ZNF333: variants seen among roughly 807,000 people sequenced by gnomAD.
ZNF333 encodes the protein zinc finger protein 333.
A neutral mutation model predicts 76.1 loss-of-function variants in ZNF333; 61 were observed. That is an observed-to-expected ratio of 0.80 (90% confidence interval 0.65 to 0.99). ZNF333 has a LOEUF of 0.99. Ranked by LOEUF, ZNF333 falls within the 50% of genes least tolerant of loss-of-function variation. ZNF333 has a pLI of 0.00. For synonymous variants in ZNF333, 284 were observed against 305.0 expected, an observed-to-expected ratio of 0.93 and a Z score of 0.72; for missense variants, 717 against 822.4, an observed-to-expected ratio of 0.87 and a Z score of 1.57.
intron 4 of ZNF333, among the ~76,000 whole-genome samples, chr19:14,696,881 G>A (rs1490942462): frequency 6.6e-6 from 1 of 151,870 alleles, no homozygotes; most frequent in Non-Finnish European, 1.5e-5. Flanking sequence ...TGGGACTACA[G>A]GTGCACACCA....
chr19:14,693,309 G>T, intron 1 of ZNF333, 142 bp from the exon 2 acceptor site: 1 of 489,106 alleles, frequency 2.0e-6, no homozygotes. Flanking sequence ...TTGTTTGAAA[G>T]GTGCCTTGGG....
At chr19:14,727,264 G>C (rs2042639307) in intron 11 of ZNF333, among the ~76,000 whole-genome samples, 1 of 152,100 alleles carries the variant, frequency 6.6e-6, no homozygotes, top group Non-Finnish European at 1.5e-5. Context: ...TCCTGACCTT[G>C]TGATCCGCCC....
chr19:14,701,755 A>G (rs1599708713), intron 5 of ZNF333: 1 of 985,546 alleles, frequency 1.0e-6, no homozygotes, highest in Non-Finnish European at 1.2e-6. Flanking sequence ...AGTGGCAGGC[A>G]TGGGGCTCTT....
chr19:14,705,983 G>A (rs1233694445), intron 6 of ZNF333: 16 of 406,514 alleles, frequency 3.9e-5, no homozygotes, highest in East Asian at 2.9e-4. Flanking sequence ...CTTCCCACTC[G>A]TCCCTGCCCT....
Position 14,706,149 on chromosome 19 carries a change from A to C in ZNF333, c.424-537A>C, listed in dbSNP as rs73929426. Reference sequence around the variant, plus strand: ...CCAGAGCCACCGTTAGTTCTCCTGGACTCCAGTTCTGCTCCTGACAGGCAC... The same window carrying C: ...CCAGAGCCACCGTTAGTTCTCCTGGCCTCCAGTTCTGCTCCTGACAGGCAC... On this transcript the variant is annotated intron_variant, in intron 6 of 11. Transcript: ENST00000292530. The C allele has an allele frequency of 8.4e-4, 383 of 457,458 alleles. 3 individuals are homozygous for C. The highest frequency in any genetic ancestry group is 7.1e-3 in the African/African-American group (357 of 50,138). 28.3% of individuals were successfully genotyped at this position (457,458 alleles called of 1,614,324 possible). A position where few individuals can be genotyped will look rare whatever the true frequency, so the allele number is the denominator to read the frequency against.
At chr19:14,730,609 G>T (rs1167057011) in intron 11 of ZNF333, among the ~76,000 whole-genome samples, 2 of 152,014 alleles carry the variant, frequency 1.3e-5, no homozygotes, top group Non-Finnish European at 2.9e-5. Flanking sequence ...AAAGCAGTTT[G>T]TAATAACCCA....
intron 7 of ZNF333, among the ~76,000 whole-genome samples, chr19:14,712,123 G>C (rs898956289): frequency 6.6e-6 from 1 of 152,120 alleles, no homozygotes; most frequent in South Asian, 2.1e-4. Flanking sequence ...GATCTGTAGA[G>C]TGTCAGAGAG....
chr19:14,726,270 C>T (rs955466373), downstream of ZNF333, among the ~76,000 whole-genome samples: 7 of 152,138 alleles, frequency 4.6e-5, no homozygotes, highest in East Asian at 3.9e-4. Context: ...GGAACTGGCC[C>T]GCTAAATCAT....
At chr19:14,727,024 CTTTTTTTTTTTT>C (rs33936016) in intron 11 of ZNF333, among the ~76,000 whole-genome samples, 3 of 70,108 alleles carry the variant, frequency 4.3e-5, no homozygotes, top group South Asian at 1.2e-3. Flanking sequence ...AGAAAAGAGG[CTTTTTTTTTTTT>C]TTTTTTTTTT....
At position 14,709,697 on chromosome 19, in the gene ZNF333, C is replaced by G. The variant is rs2042222185; in HGVS notation, c.511+2924C>G. Among the ~76,000 whole-genome samples, 3 of 152,342 alleles carry G rather than the reference C, an allele frequency of 2.0e-5. No individual in the cohort carries two copies. In the South Asian group the frequency reaches 6.2e-4, roughly 32 times the overall value. On this transcript the variant is annotated intron_variant, in intron 7 of 11. Transcript: ENST00000292530. ...ACAAGAAGAGGAAGAGACACCAGAGCTCTCTCGCCCATGTGAGGACACAGC... is the reference window on the plus strand; with the variant it reads ...ACAAGAAGAGGAAGAGACACCAGAGGTCTCTCGCCCATGTGAGGACACAGC...
Position 14,695,656 on chromosome 19 carries a change from G to T in ZNF333, c.218G>T (p.Gly73Val). The T allele has an allele frequency of 1.2e-6, 2 of 1,614,078 alleles. No homozygotes were observed. Among genetic ancestry groups the T allele is most frequent in the Non-Finnish European group, 1.7e-6 (2 of 1,179,972 alleles). Reference sequence around the variant, plus strand: ...GAACGAGGGATTCTCCGTGCCACAGGTGTTGGTGAGTACCAGGCAGGCTGT... The same window carrying T: ...GAACGAGGGATTCTCCGTGCCACAGTTGTTGGTGAGTACCAGGCAGGCTGT... The part of the protein sequence containing the change: ...ATERGILRAT[G>V]VAWESQLKPE... The change falls in exon 4 of 12, where the codon GGT (glycine) becomes GTT (valine). Residue 73 changes from glycine to valine, a missense_variant. Gly to Val is a moderately radical substitution (Grantham distance 109). Transcript: ENST00000292530.
intron 7 of ZNF333, among the ~76,000 whole-genome samples, chr19:14,711,186 A>G (rs935221056): frequency 1.3e-5 from 2 of 152,202 alleles, no homozygotes; most frequent in African/African-American, 4.8e-5. Flanking sequence ...CCAGACTTTC[A>G]GAAGGAAAGC....
At chr19:14,708,463 G>A (rs1189425630) in intron 7 of ZNF333, 1 of 397,422 alleles carries the variant, frequency 2.5e-6, no homozygotes, top group Non-Finnish European at 4.4e-6. Context: ...AGAGTCCAGT[G>A]GAAGTGTGTT....
intron 5 of ZNF333, 129 bp downstream of exon 5, chr19:14,699,410 T>G: frequency 1.3e-6 from 1 of 782,166 alleles, no homozygotes; most frequent in Admixed American, 2.2e-5. Context: ...AAACAGTGTC[T>G]GAGGGGAGTG....
chr19:14,708,647 C>T (rs1299146918), intron 7 of ZNF333: 5 of 343,180 alleles, frequency 1.5e-5, no homozygotes, highest in Non-Finnish European at 2.1e-5. Context: ...GGATGCTGAG[C>T]AGCATCCCTG....
Position 14,706,024 on chromosome 19 carries a change from A to AC in ZNF333, c.424-656dup, listed in dbSNP as rs1354428062. ...CTCCCCCGAGGGACCTGCTGCATGT[A>AC]CCCCCCAACCTCCCATCCACCACCA... On this transcript the variant is annotated intron_variant, in intron 6 of 11. Coordinates refer to ENST00000292530, the MANE Select transcript of ZNF333 (RefSeq NM_032433.4). 10 of 446,706 alleles carry AC rather than the reference A, an allele frequency of 2.2e-5. No homozygotes were observed. The East Asian group carries it at 2.8e-4, about 13-fold the overall frequency. 27.7% of individuals were successfully genotyped at this position (446,706 alleles called of 1,614,324 possible). A position where few individuals can be genotyped will look rare whatever the true frequency, so the allele number is the denominator to read the frequency against.
chr19:14,706,436 C>A, intron 6 of ZNF333: 2 of 501,272 alleles, frequency 4.0e-6, no homozygotes, highest in South Asian at 4.2e-5. Context: ...ACTTCTGGAG[C>A]CTCCTTGGAG....
At chr19:14,726,728 A>G (rs549486945), downstream of ZNF333, among the ~76,000 whole-genome samples, 1 of 152,278 alleles carries the variant, frequency 6.6e-6, no homozygotes, top group South Asian at 2.1e-4. Context: ...AGGGAATAAC[A>G]AGGCTGACCT....
chr19:14,698,935 T>TATGTATACAC (rs1180611568), intron 4 of ZNF333, among the ~76,000 whole-genome samples: 4 of 139,328 alleles, frequency 2.9e-5, no homozygotes, highest in African/African-American at 1.1e-4. Flanking sequence ...TATATATATA[T>TATGTATACAC]ACACACATAT....
Sources: gnomAD v4.1 joint callset for allele counts (sites outside exome capture counted in the v4.1 genomes callset) on GRCh38, gnomAD v4.1.1 for gene constraint, MANE v1.5 for transcripts, NCBI Gene and HGNC (gene_info 2026-07-23, HGNC 2026-07-21) for gene names.